The following IFT88 variants were observed in gnomAD, a reference collection of about 807,000 sequenced individuals.
The protein encoded by IFT88 is intraflagellar transport 88.
In IFT88, 74 loss-of-function variants were observed where a neutral mutation model predicts 119.5. The observed-to-expected ratio is 0.62, with a 90% CI of 0.51 to 0.75. The LOEUF (loss-of-function observed/expected upper bound fraction) is 0.75. Ranked by LOEUF, IFT88 falls within the 30% of genes least tolerant of loss-of-function variation. The pLI is 0.00. For synonymous variants in IFT88, 279 were observed against 316.7 expected, an observed-to-expected ratio of 0.88 and a Z score of 1.26; for missense variants, 961 against 977.7, an observed-to-expected ratio of 0.98 and a Z score of 0.23.
chr13:20,602,079 T>A (rs1206753018), intron 12 of IFT88, 146 bp downstream of exon 12: 1 of 594,392 alleles, frequency 1.7e-6, no homozygotes, highest in East Asian at 2.8e-5. Flanking sequence ...TTTCATTTTT[T>A]ATTTAAATTG....
At chr13:20,590,807 T>C (rs1389946702) in intron 4 of IFT88, among the ~76,000 whole-genome samples, 160 bp from the exon 5 acceptor site, 2 of 152,156 alleles carry the variant, frequency 1.3e-5, no homozygotes, top group East Asian at 3.8e-4. Flanking sequence ...GCTCCCTGTT[T>C]TATAGTTTTA....
At chr13:20,567,310 C>G (rs1030034588) in intron 1 of IFT88, 54 bp downstream of exon 1, 2 of 152,292 alleles carry the variant, frequency 1.3e-5, no homozygotes, top group Admixed American at 1.3e-4. Context: ...AGCCGTGCCC[C>G]TGCGGCGTCC....
chr13:20,653,049 TAGGTGGAAGGGAGGTAAC>T (rs940611470), intron 20 of IFT88, among the ~76,000 whole-genome samples: 5 of 152,164 alleles, frequency 3.3e-5, no homozygotes, highest in African/African-American at 4.8e-5. Context: ...ATTTAGCATG[TAGGTGGAAGGGAGGTAAC>T]AGGTTTTAAG....
chr13:20,625,679 A>G (rs561331304), intron 14 of IFT88, 71 bp from the exon 15 acceptor site: 12 of 1,057,798 alleles, frequency 1.1e-5, no homozygotes, highest in East Asian at 2.5e-5. Flanking sequence ...GAAAAGCCAC[A>G]TTTAAGAAAA....
At chr13:20,626,959 T>G (rs897248655) in intron 15 of IFT88, among the ~76,000 whole-genome samples, 3 of 152,200 alleles carry the variant, frequency 2.0e-5, no homozygotes, top group Non-Finnish European at 4.4e-5. Flanking sequence ...TCAGTTTATC[T>G]TCCTATTTAG....
In IFT88 at chr13:20,671,038, T is replaced by C. The variant is rs1286974121; in HGVS notation, c.2241T>C (p.Gly747=). Residue 747 remains glycine (G), a splice_region_variant and synonymous_variant, in exon 24 of 26, where the codon GGT becomes GGC. Transcript: ENST00000351808. ...GCAAAAGAGAAGGAAGTGCTAGCGG[T>C]GGTAAGTATTTTCTCTTTCCCTGAA... ...SRGKREGSAS[G]DSGQNYSASS... The C allele has an allele frequency of 6.2e-7, 1 of 1,613,172 alleles. No homozygotes were observed. The highest frequency in any genetic ancestry group is 1.7e-5 in the Admixed American group (1 of 59,912).
chr13:20,608,177 C>A (rs2043840394), intron 13 of IFT88: 1 of 327,110 alleles, frequency 3.1e-6, no homozygotes. Flanking sequence ...CAGGACCAGA[C>A]TGTTCTGCGA....
chr13:20,596,533 T>G (rs933213969), intron 8 of IFT88, among the ~76,000 whole-genome samples: 1 of 152,222 alleles, frequency 6.6e-6, no homozygotes, highest in African/African-American at 2.4e-5. Flanking sequence ...GATAGCAATA[T>G]GCTGCTGAAA....
chr13:20,585,721 G>A (rs1002952122), intron 3 of IFT88, among the ~76,000 whole-genome samples: 4 of 152,216 alleles, frequency 2.6e-5, no homozygotes, highest in Non-Finnish European at 5.9e-5. Context: ...TTTCAGGGGT[G>A]TAGAAATCAT....
intron 20 of IFT88, among the ~76,000 whole-genome samples, chr13:20,653,603 TG>T (rs79660004): frequency 0.23 from 34,937 of 152,102 alleles, 5,386 homozygotes; most frequent in East Asian, 0.69. Flanking sequence ...TAGAATGCAG[TG>T]GGTTTTAACC....
At position 20,646,902 on chromosome 13, in the gene IFT88, G is replaced by A. The variant is rs139567317; in HGVS notation, c.1949+1944G>A. The stretch of plus-strand genomic sequence containing the variant: ...CTTTACTACCCCATTTATTCCAAGA[G>A]ATTTCAGTTCTTAGGTTATTCCAGC... On this transcript the variant is annotated intron_variant, in intron 20 of 25. Coordinates refer to ENST00000351808, the MANE Select transcript of IFT88 (RefSeq NM_006531.5). 1.5e-3 allele frequency among the ~76,000 whole-genome samples: 231 copies of A among 149,766 alleles called. 1 individual carries two copies. The highest frequency in any genetic ancestry group is 5.5e-3 in the African/African-American group (224 of 40,632).
chr13:20,622,352 C>T (rs1330642410), intron 14 of IFT88, among the ~76,000 whole-genome samples: 3 of 152,108 alleles, frequency 2.0e-5, no homozygotes, highest in South Asian at 2.1e-4. Flanking sequence ...TACCAAGGAG[C>T]GTGATTATTG....
chr13:20,599,800 A>G (rs1308901658), intron 11 of IFT88, among the ~76,000 whole-genome samples: 1 of 152,152 alleles, frequency 6.6e-6, no homozygotes, highest in Admixed American at 6.5e-5. Flanking sequence ...TGACCAATAA[A>G]GGGGTTAACC....
chr13:20,593,525 T>A (rs1280948866), intron 7 of IFT88, among the ~76,000 whole-genome samples: 1 of 151,950 alleles, frequency 6.6e-6, no homozygotes, highest in Non-Finnish European at 1.5e-5. Context: ...GTAATTCTTT[T>A]TTTTTGTTTC....
chr13:20,591,582 T>G (rs1322769537), intron 5 of IFT88, 36 bp from the exon 6 acceptor site: 1 of 1,504,618 alleles, frequency 6.6e-7, no homozygotes. Context: ...GAGATAGATC[T>G]TATTTAAGAA....
chr13:20,585,343 T>C (rs1335531215), intron 3 of IFT88, among the ~76,000 whole-genome samples: 2 of 152,146 alleles, frequency 1.3e-5, no homozygotes, highest in African/African-American at 4.8e-5. Context: ...ATGGGAAAGA[T>C]ACAAATTAAA....
intron 24 of IFT88, among the ~76,000 whole-genome samples, chr13:20,684,490 A>G (rs1341841938): frequency 6.6e-6 from 1 of 152,158 alleles, no homozygotes; most frequent in Admixed American, 6.5e-5. Flanking sequence ...CTATATAGAA[A>G]GGCTCCAAGG....
In IFT88 at chr13:20,663,551, G is replaced by A. The variant is rs556520455; in HGVS notation, c.2122G>A (p.Glu708Lys). The stretch of plus-strand genomic sequence containing the variant: ...AGATCTTGGATTAAAAGATGCTCAA[G>A]AATATGCCAGAAAACTGAAGAGGTT... ...CTDLGLKDAQ[E>K]YARKLKRLEK... The change falls in exon 23 of 26, where the codon GAA (glutamate) becomes AAA (lysine). Residue 708 changes from glutamate (E) to lysine (K), a missense_variant. Transcript: ENST00000351808. 2 of 1,613,906 alleles carry A rather than the reference G, an allele frequency of 1.2e-6. No homozygotes were observed. The highest frequency in any genetic ancestry group is 2.2e-5 in the South Asian group (2 of 91,072).
chr13:20,664,907 G>A (rs1594771824), intron 23 of IFT88, among the ~76,000 whole-genome samples: 1 of 152,156 alleles, frequency 6.6e-6, no homozygotes, highest in East Asian at 1.9e-4. Context: ...CTGAAACTCT[G>A]TCTCTACTAA....
Sources: gnomAD v4.1 joint callset for allele counts (sites outside exome capture counted in the v4.1 genomes callset) on GRCh38, gnomAD v4.1.1 for gene constraint, MANE v1.5 for transcripts, NCBI Gene and HGNC (gene_info 2026-07-23, HGNC 2026-07-21) for gene names.